SEMA5A: variants seen among roughly 807,000 people sequenced by gnomAD.
SEMA5A encodes semaphorin 5A, also known as semaphorin-5A.
A neutral mutation model predicts 135.5 loss-of-function variants in SEMA5A; 55 were observed. That is an observed-to-expected ratio of 0.41 (90% CI 0.33 to 0.51). SEMA5A has a LOEUF of 0.51. Among genes scored for constraint, SEMA5A ranks in the 20% least tolerant of loss-of-function variants. The pLI, the probability that SEMA5A is intolerant of heterozygous loss-of-function variation, is 0.37. For missense variants in SEMA5A, 1,290 were observed against 1,419.9 expected, an observed-to-expected ratio of 0.91 and a Z score of 1.47; for synonymous variants, 580 against 546.5, an observed-to-expected ratio of 1.06 and a Z score of -0.85.
At position 9,072,753 on chromosome 5, in the gene SEMA5A, T is replaced by A. The variant is rs191284181; in HGVS notation, c.2074-6107A>T. Among the ~76,000 whole-genome samples the A allele has an allele frequency of 3.3e-5, 5 of 152,316 alleles. No homozygotes were observed. In the East Asian group the frequency reaches 9.6e-4, roughly 29 times the overall value. ...ACTGTTTTTACATAACTTAATTATG[T>A]CCTCAAAGAGAACCTTAGCATATTT... On this transcript the variant is annotated intron_variant, in intron 16 of 22. Coordinates refer to ENST00000382496, the MANE Select transcript of SEMA5A (RefSeq NM_003966.3).
intron 11 of SEMA5A, among the ~76,000 whole-genome samples, chr5:9,167,928 T>A (rs1050179124): frequency 2.0e-5 from 3 of 152,166 alleles, no homozygotes; most frequent in African/African-American, 7.2e-5. Flanking sequence ...GCCTCAGAAG[T>A]CAATCTTTAA....
chr5:9,453,846 T>TA (rs1758736372), intron 1 of SEMA5A, among the ~76,000 whole-genome samples: 1 of 152,144 alleles, frequency 6.6e-6, no homozygotes, highest in Non-Finnish European at 1.5e-5. Context: ...TATAACACCC[T>TA]AACAGTCTTC....
At chr5:9,392,028 C>T (rs1756183125) in intron 2 of SEMA5A, among the ~76,000 whole-genome samples, 1 of 152,092 alleles carries the variant, frequency 6.6e-6, no homozygotes, top group East Asian at 1.9e-4. Context: ...GGTCTTGAAA[C>T]CCACCAAGCT....
At chr5:9,294,052 C>T (rs1751213207) in intron 5 of SEMA5A, among the ~76,000 whole-genome samples, 1 of 151,960 alleles carries the variant, frequency 6.6e-6, no homozygotes, top group South Asian at 2.1e-4. Flanking sequence ...TTTAATTAAT[C>T]ATTTAATTAA....
intron 3 of SEMA5A, among the ~76,000 whole-genome samples, chr5:9,347,305 G>A (rs1753920025): frequency 6.6e-6 from 1 of 152,208 alleles, no homozygotes; most frequent in African/African-American, 2.4e-5. Flanking sequence ...TTAACACATA[G>A]TATACCTAAC....
chr5:9,403,389 A>G (rs1052922086), intron 2 of SEMA5A, among the ~76,000 whole-genome samples: 3 of 152,100 alleles, frequency 2.0e-5, no homozygotes, highest in African/African-American at 7.2e-5. Context: ...AGGAAGCACA[A>G]GGAAAGATTA....
At position 9,076,578 on chromosome 5, in the gene SEMA5A, TA is replaced by T. The variant is rs1282241933; in HGVS notation, c.2074-9933del. Among the ~76,000 whole-genome samples the T allele has an allele frequency of 2.0e-5, 3 of 152,298 alleles. No individual in the cohort carries two copies. In the East Asian group the frequency reaches 5.8e-4, roughly 29 times the overall value. ...AATACCCTGACTTGATCACACACAT[TA>T]TATACATGTAACAATATTTCATGTG... is the stretch of plus-strand genomic sequence containing the variant. On this transcript the variant is annotated intron_variant, in intron 16 of 22. Transcript: ENST00000382496.
At chr5:9,449,555 T>G (rs554825186) in intron 1 of SEMA5A, among the ~76,000 whole-genome samples, 1 of 151,898 alleles carries the variant, frequency 6.6e-6, no homozygotes, top group Non-Finnish European at 1.5e-5. Context: ...CCTGCACATG[T>G]ACCCTGGAAC....
chr5:9,500,280 A>G (rs1197544562), intron 1 of SEMA5A, among the ~76,000 whole-genome samples: 1 of 152,202 alleles, frequency 6.6e-6, no homozygotes, highest in Admixed American at 6.5e-5. Flanking sequence ...TCCTTCATAA[A>G]TTCACTACAT....
At chr5:9,457,767 T>A (rs895592193) in intron 1 of SEMA5A, among the ~76,000 whole-genome samples, 2 of 152,056 alleles carry the variant, frequency 1.3e-5, no homozygotes, top group East Asian at 3.9e-4. Flanking sequence ...AAACAACTTT[T>A]CAAAAAAAGA....
intron 2 of SEMA5A, among the ~76,000 whole-genome samples, chr5:9,423,194 C>T (rs761222024): frequency 1.3e-5 from 2 of 152,200 alleles, no homozygotes; most frequent in Non-Finnish European, 2.9e-5. Context: ...TGCTTCCCCA[C>T]TAGACTTGTT....
chr5:9,309,942 T>C (rs1460456212), intron 5 of SEMA5A, among the ~76,000 whole-genome samples: 2 of 11,818 alleles, frequency 1.7e-4, no homozygotes, highest in East Asian at 5.2e-3. Context: ...GGTAACGCTG[T>C]CTCAGGTTAC....
At chr5:9,376,627 T>C (rs1755373773) in intron 3 of SEMA5A, among the ~76,000 whole-genome samples, 1 of 152,224 alleles carries the variant, frequency 6.6e-6, no homozygotes. Flanking sequence ...GAACTGAGCA[T>C]CTTCTTGATC....
chr5:9,222,697 C>T lies in SEMA5A; in HGVS notation c.646+1977G>A, dbSNP rs556548058. ...TGTAAATCAAATAACAATGTTATGC[C>T]TGAGAAGACTGTGATAAACACTGTT... On this transcript the variant is annotated intron_variant, in intron 8 of 22. Coordinates refer to ENST00000382496, the MANE Select transcript of SEMA5A (RefSeq NM_003966.3). Among the ~76,000 whole-genome samples, 20 of 152,330 alleles carry T rather than the reference C, an allele frequency of 1.3e-4. No homozygotes were observed. The East Asian group carries it at 3.8e-3, about 29-fold the overall frequency.
At chr5:9,459,728 T>A (rs1273809694) in intron 1 of SEMA5A, among the ~76,000 whole-genome samples, 2 of 152,242 alleles carry the variant, frequency 1.3e-5, no homozygotes. Context: ...TTTTATGAGT[T>A]AATATTAGTA....
chr5:9,139,177 G>A (rs1027955844), intron 12 of SEMA5A, among the ~76,000 whole-genome samples: 7 of 152,160 alleles, frequency 4.6e-5, no homozygotes, highest in Non-Finnish European at 7.3e-5. Context: ...TCGCCACACT[G>A]TTTTCCATAG....
chr5:9,213,013 G>A (rs1315384796), intron 8 of SEMA5A, among the ~76,000 whole-genome samples: 1 of 152,194 alleles, frequency 6.6e-6, no homozygotes, highest in Non-Finnish European at 1.5e-5. Flanking sequence ...TGTCTGGCAA[G>A]GGTTTGCTTT....
intron 8 of SEMA5A, among the ~76,000 whole-genome samples, chr5:9,220,993 C>T (rs568087722): frequency 1.9e-4 from 29 of 152,274 alleles, no homozygotes; most frequent in African/African-American, 6.7e-4. Context: ...CAGGGACTTA[C>T]CCTCCACTCC....
At chr5:9,542,816 C>CATCT (rs939652422) in intron 1 of SEMA5A, among the ~76,000 whole-genome samples, 1 of 152,100 alleles carries the variant, frequency 6.6e-6, no homozygotes, top group Non-Finnish European at 1.5e-5. Context: ...TCTTGCACAC[C>CATCT]ATCTGCTTTG....
Sources: allele counts gnomAD v4.1 joint callset (sites outside exome capture counted in the v4.1 genomes callset), GRCh38; gene constraint gnomAD v4.1.1; transcripts MANE v1.5; gene names NCBI Gene and HGNC (gene_info 2026-07-23, HGNC 2026-07-21).